Variants in RDH5 observed in about 807,000 individuals in gnomAD.
RDH5 encodes retinol dehydrogenase 5.
In RDH5, 25 loss-of-function variants were observed where a neutral mutation model predicts 24.0. The ratio of observed to expected loss-of-function variants is 1.04; its 90% CI spans 0.76 to 1.46. The LOEUF is 1.46. Ranked by LOEUF, RDH5 falls within the 40% of genes most tolerant of loss-of-function variation. RDH5 has a pLI of 0.00. For synonymous variants in RDH5, 170 were observed against 175.2 expected, an observed-to-expected ratio of 0.97 and a Z score of 0.23; for missense variants, 369 against 410.3, an observed-to-expected ratio of 0.90 and a Z score of 0.87.
chr12:55,721,907 GTC>G lies in RDH5; in HGVS notation c.532_533del (p.Ser178GlnfsTer9), dbSNP rs1359478892. 3.1e-6 allele frequency: 5 copies of G among 1,613,540 alleles called. No individual in the cohort carries two copies. The Admixed American group carries it at 8.3e-5, about 27-fold the overall frequency. On this transcript the variant is annotated frameshift_variant, in exon 3 of 5. Coordinates refer to ENST00000257895, the MANE Select transcript of RDH5 (RefSeq NM_002905.5). LOFTEE classifies it high-confidence loss of function. The surrounding 1 kb of genome is among the most constrained non-coding windows in gnomAD (Gnocchi z 4.7). ...RLAANGGGYC[V>X]SKFGLEAFSD... is the part of the protein sequence containing the mutation. ...GGCAGCCAATGGTGGGGGCTACTGT[GTC>G]TCCAAATTTGGCCTGGAGGCCTTCT...
In RDH5 at chr12:55,724,454, T is replaced by C; in HGVS notation, c.866T>C (p.Leu289Pro). Residue 289 changes from leucine to proline, a missense_variant, in exon 5 of 5, where the codon CTG (leucine) becomes CCG (proline). By Grantham distance (98) the Leu-to-Pro change is moderately conservative (BLOSUM62 -3). Transcript: ENST00000257895. ...TRYSPGWDAK[L>P]LWLPASYLPA... The stretch of plus-strand genomic sequence containing the variant: ...TACAGCCCAGGTTGGGATGCCAAGC[T>C]GCTCTGGCTGCCTGCCTCCTACCTG... The C allele has an allele frequency of 6.2e-7, 1 of 1,614,090 alleles. No individual in the cohort carries two copies. Among genetic ancestry groups the C allele is most frequent in the Non-Finnish European group, 8.5e-7 (1 of 1,180,022 alleles).
chr12:55,722,618 C>A (rs1876981215), intron 3 of RDH5: 1 of 150,570 alleles, frequency 6.6e-6, no homozygotes, highest in Non-Finnish European at 1.5e-5. Context: ...TCACTGCAAC[C>A]CCTGCCTCTC....
In RDH5 at chr12:55,720,435, G is replaced by A. The variant is rs1434300200; in HGVS notation, c.-115G>A. On this transcript the variant is annotated 5_prime_UTR_variant, in exon 1 of 5. Transcript: ENST00000257895. ...TAGCAGTAGTTAGTGTGGGAGGCTGGGAAGACTGGGAGCAGTCTCTTAAAC... is the reference window on the plus strand; with the variant it reads ...TAGCAGTAGTTAGTGTGGGAGGCTGAGAAGACTGGGAGCAGTCTCTTAAAC... 6.6e-6 allele frequency: 1 copy of A among 152,426 alleles called. No homozygotes were observed. Among genetic ancestry groups the A allele is most frequent in the Non-Finnish European group, 1.5e-5 (1 of 68,226 alleles). 9.4% of individuals were successfully genotyped at this position (152,426 alleles called of 1,614,324 possible). A position where few individuals can be genotyped will look rare whatever the true frequency, so the allele number is the denominator to read the frequency against.
chr12:55,723,580 A>G, intron 3 of RDH5: 1 of 364,206 alleles, frequency 2.7e-6, no homozygotes, highest in Non-Finnish European at 5.2e-6. Context: ...GTTACATTGT[A>G]AACTGTTATA....
At chr12:55,722,801 G>T (rs1876990145) in intron 3 of RDH5, 2 of 152,230 alleles carry the variant, frequency 1.3e-5, no homozygotes, top group African/African-American at 4.8e-5. Flanking sequence ...GCCTCCCAAA[G>T]TGCTGGGATT....
rs764628390 is a variant in RDH5, at chr12:55,721,716, G to T, written c.338G>T (p.Gly113Val). The change falls in exon 3 of 5, where the codon GGT becomes GTT. Residue 113 changes from glycine (G) to valine (V), a missense_variant. Gly to Val is a moderately radical substitution (Grantham distance 109). Transcript: ENST00000257895. The surrounding 1 kb of genome is among the most constrained non-coding windows in gnomAD (Gnocchi z 4.7). ...CTTTTTGGTCTGGTGAATAATGCTG[G>T]TGTGGCTGGTATCATCGGACCCACA... ...AGLFGLVNNAGVAGIIGPTPW... is the reference protein window; with the variant it reads ...AGLFGLVNNAVVAGIIGPTPW... 4.3e-6 allele frequency: 7 copies of T among 1,612,728 alleles called. No individual in the cohort carries two copies. The African/African-American group carries it at 8.0e-5, about 18-fold the overall frequency.
At chr12:55,722,137 C>T in intron 3 of RDH5, 190 bp downstream of exon 3, 1 of 625,270 alleles carries the variant, frequency 1.6e-6, no homozygotes, top group Non-Finnish European at 2.7e-6. Flanking sequence ...CTTCTCTTTA[C>T]CCATTTTTAA....
chr12:55,724,336 C>G lies in RDH5; in HGVS notation c.748C>G (p.Gln250Glu), dbSNP rs376583199. The G allele has an allele frequency of 4.0e-5, 65 of 1,614,190 alleles. No homozygotes were observed. The highest frequency in any genetic ancestry group is 5.3e-5 in the Non-Finnish European group (63 of 1,180,022). Residue 250 changes from glutamine (Q) to glutamate (E), a missense_variant, in exon 5 of 5, where the codon CAG becomes GAG. Coordinates refer to ENST00000257895, the MANE Select transcript of RDH5 (RefSeq NM_002905.5). Reference sequence around the variant, plus strand: ...TGGGGCTGCAGACCTGAAAATGCAACAGCGCATCATGAACCTGATCTGTGA... The same window carrying G: ...TGGGGCTGCAGACCTGAAAATGCAAGAGCGCATCATGAACCTGATCTGTGA... ...AFLTKYLKMQ[Q>E]RIMNLICDPD... is the part of the protein sequence containing the mutation.
Position 55,721,571 on chromosome 12 carries a change from GGCTGTGGTAA to G in RDH5, c.310+81_310+90del. The G allele has an allele frequency of 6.3e-7, 1 of 1,594,954 alleles. No homozygotes were observed. Among genetic ancestry groups the G allele is most frequent in the Non-Finnish European group, 8.5e-7 (1 of 1,174,984 alleles). Reference sequence around the variant, plus strand: ...AGTCACCCCAGGAGTCACCTGCAAGGGCTGTGGTAAGCTAAAGGGACAATTTGAGGAGAAG... The same window carrying G: ...AGTCACCCCAGGAGTCACCTGCAAGGGCTAAAGGGACAATTTGAGGAGAAG... On this transcript the variant is annotated intron_variant, in intron 2 of 4. Transcript: ENST00000257895. This position sits in a 1 kb window ranked among gnomAD's most constrained non-coding sequence, Gnocchi z 4.7.
chr12:55,721,222 C>A lies in RDH5; in HGVS notation c.38C>A (p.Ala13Glu), dbSNP rs754749976. The A allele has an allele frequency of 1.2e-5, 20 of 1,614,044 alleles. No homozygotes were observed. Among genetic ancestry groups the A allele is most frequent in the Non-Finnish European group, 1.7e-5 (20 of 1,180,034 alleles). Residue 13 changes from alanine to glutamate, a missense_variant, in exon 2 of 5, where the codon GCA (alanine) becomes GAA (glutamate). Transcript: ENST00000257895. This position sits in a 1 kb window ranked among gnomAD's most constrained non-coding sequence, Gnocchi z 4.7. The stretch of plus-strand genomic sequence containing the variant: ...CTTCTGCTGGGTGCCTTACTCTGGG[C>A]AGTGCTGTGGTTGCTCAGGGACCGG... ...LPLLLGALLWAVLWLLRDRQS... is the reference protein window; with the variant it reads ...LPLLLGALLWEVLWLLRDRQS...
In RDH5 at chr12:55,721,581, A is replaced by T. The variant is rs1876921273; in HGVS notation, c.310+87A>T. 4.4e-6 allele frequency: 7 copies of T among 1,595,538 alleles called. No individual in the cohort carries two copies. Among genetic ancestry groups the T allele is most frequent in the Non-Finnish European group, 6.0e-6 (7 of 1,175,696 alleles). Reference sequence around the variant, plus strand: ...GGAGTCACCTGCAAGGGCTGTGGTAAGCTAAAGGGACAATTTGAGGAGAAG... The same window carrying T: ...GGAGTCACCTGCAAGGGCTGTGGTATGCTAAAGGGACAATTTGAGGAGAAG... On this transcript the variant is annotated intron_variant, in intron 2 of 4. Transcript: ENST00000257895. The surrounding 1 kb of genome is among the most constrained non-coding windows in gnomAD (Gnocchi z 4.7).
At position 55,721,363 on chromosome 12, in the gene RDH5, T is replaced by C; in HGVS notation, c.179T>C (p.Leu60Pro). ...GGCTTCCGAGTCCTGGCCAGCTGCC[T>C]GACCCCCTCCGGGGCCGAGGACCTG... ...QRGFRVLASC[L>P]TPSGAEDLQR... Residue 60 changes from leucine to proline, a missense_variant, in exon 2 of 5, where the codon CTG (leucine) becomes CCG (proline). By Grantham distance (98) the Leu-to-Pro change is moderately conservative (BLOSUM62 -3). Transcript: ENST00000257895. The surrounding 1 kb of genome is among the most constrained non-coding windows in gnomAD (Gnocchi z 4.7). 1 of 1,613,940 alleles carries C rather than the reference T, an allele frequency of 6.2e-7. No individual in the cohort carries two copies. Among genetic ancestry groups the C allele is most frequent in the Non-Finnish European group, 8.5e-7 (1 of 1,180,028 alleles).
Position 55,721,032 on chromosome 12 carries a change from T to G in RDH5, c.-32-121T>G. Reference sequence around the variant, plus strand: ...GAACAGATGAGCCATGGTTGGCCAATTATCTGCCAACCAGATAATTTCTCA... The same window carrying G: ...GAACAGATGAGCCATGGTTGGCCAAGTATCTGCCAACCAGATAATTTCTCA... On this transcript the variant is annotated intron_variant, in intron 1 of 4. Coordinates refer to ENST00000257895, the MANE Select transcript of RDH5 (RefSeq NM_002905.5). The surrounding 1 kb of genome is among the most constrained non-coding windows in gnomAD (Gnocchi z 4.7). 1.4e-6 allele frequency: 1 copy of G among 715,498 alleles called. No homozygotes were observed. Among genetic ancestry groups the G allele is most frequent in the South Asian group, 1.6e-5 (1 of 60,708 alleles). 44.3% of individuals were successfully genotyped at this position (715,498 alleles called of 1,614,324 possible). A position where few individuals can be genotyped will look rare whatever the true frequency, so the allele number is the denominator to read the frequency against.
intron 3 of RDH5, 182 bp from the exon 4 acceptor site, chr12:55,723,704 C>CA (rs1177818381): frequency 6.0e-6 from 4 of 669,428 alleles, no homozygotes; most frequent in Non-Finnish European, 1.0e-5. Flanking sequence ...TCAAAGAAAA[C>CA]AAACCTCAAA....
At position 55,721,542 on chromosome 12, in the gene RDH5, CCA is replaced by C; in HGVS notation, c.310+51_310+52del. ...AATATGGTGTGGGGTGTCCTGATCC[CCA>C]CAGTCACCCCAGGAGTCACCTGCAA... On this transcript the variant is annotated intron_variant, in intron 2 of 4. Transcript: ENST00000257895. This position sits in a 1 kb window ranked among gnomAD's most constrained non-coding sequence, Gnocchi z 4.7. 6.3e-7 allele frequency: 1 copy of C among 1,596,898 alleles called. No individual in the cohort carries two copies. Among genetic ancestry groups the C allele is most frequent in the Non-Finnish European group, 8.5e-7 (1 of 1,176,354 alleles).
At position 55,721,246 on chromosome 12, in the gene RDH5, G is replaced by C; in HGVS notation, c.62G>C (p.Arg21Pro). 3 of 1,613,994 alleles carry C rather than the reference G, an allele frequency of 1.9e-6. No homozygotes were observed. The highest frequency in any genetic ancestry group is 2.5e-6 in the Non-Finnish European group (3 of 1,180,040). Residue 21 changes from arginine to proline, a missense_variant, in exon 2 of 5, where the codon CGG (arginine) becomes CCG (proline). By Grantham distance (103) the Arg-to-Pro change is moderately radical. Coordinates refer to ENST00000257895, the MANE Select transcript of RDH5 (RefSeq NM_002905.5). This position sits in a 1 kb window ranked among gnomAD's most constrained non-coding sequence, Gnocchi z 4.7. ...LWAVLWLLRD[R>P]QSLPASNAFV... The stretch of plus-strand genomic sequence containing the variant: ...GCAGTGCTGTGGTTGCTCAGGGACC[G>C]GCAGAGCCTGCCCGCCAGCAATGCC...
In RDH5 at chr12:55,721,441, C is replaced by T. The variant is rs745867910; in HGVS notation, c.257C>T (p.Pro86Leu). The change falls in exon 2 of 5, where the codon CCC becomes CTC. Residue 86 changes from proline to leucine, a missense_variant. Pro to Leu is a moderately conservative substitution (Grantham distance 98). Coordinates refer to ENST00000257895, the MANE Select transcript of RDH5 (RefSeq NM_002905.5). This position sits in a 1 kb window ranked among gnomAD's most constrained non-coding sequence, Gnocchi z 4.7. Reference protein sequence around the residue: ...LHTTLLDITDPQSVQQAAKWV... With the variant: ...LHTTLLDITDLQSVQQAAKWV... ...ACCACCCTGTTGGATATCACTGATCCCCAGAGCGTCCAGCAGGCAGCCAAG... is the reference window on the plus strand; with the variant it reads ...ACCACCCTGTTGGATATCACTGATCTCCAGAGCGTCCAGCAGGCAGCCAAG... The T allele has an allele frequency of 1.9e-6, 3 of 1,613,146 alleles. No homozygotes were observed. In the South Asian group the frequency reaches 3.3e-5, roughly 18 times the overall value.
intron 3 of RDH5, chr12:55,722,462 T>G (rs1294013285): frequency 6.4e-6 from 1 of 155,096 alleles, no homozygotes; most frequent in Non-Finnish European, 1.4e-5. Context: ...CTCTCGTCTT[T>G]AAACAATAAG....
At chr12:55,722,257 C>G (rs1876962375) in intron 3 of RDH5, 1 of 287,600 alleles carries the variant, frequency 3.5e-6, no homozygotes, top group African/African-American at 2.2e-5. Flanking sequence ...TCAAGCGATT[C>G]TCCTGCCTCA....
Sources: allele counts gnomAD v4.1 joint callset, GRCh38; gene constraint gnomAD v4.1.1; non-coding constraint Gnocchi (gnomAD v3.1); transcripts MANE v1.5; gene names NCBI Gene and HGNC (gene_info 2026-07-23, HGNC 2026-07-21).